KAT6A: variants seen among roughly 807,000 people sequenced by gnomAD.
KAT6A encodes lysine acetyltransferase 6A, also known as histone acetyltransferase KAT6A.
KAT6A carries 9 observed loss-of-function variants against 198.4 expected under a neutral mutation model. That is an observed-to-expected ratio of 0.05 (90% confidence interval 0.03 to 0.08). The LOEUF (loss-of-function observed/expected upper bound fraction) is 0.08, where lower values mean the gene tolerates loss of function less well. Ranked by LOEUF, KAT6A falls within the 10% of genes least tolerant of loss-of-function variation. The pLI is 1.00. For missense variants in KAT6A, 2,077 were observed against 2,509.9 expected (o/e 0.83, Z 3.69); for synonymous variants, 890 against 883.0 (o/e 1.01, Z -0.14).
intron 2 of KAT6A, among the ~76,000 whole-genome samples, chr8:42,036,257 T>C (rs906391430): frequency 1.3e-5 from 2 of 152,084 alleles, no homozygotes; most frequent in Non-Finnish European, 2.9e-5. Context: ...AGAGCTCAGA[T>C]TGGAGGCCAC....
intron 8 of KAT6A, 193 bp downstream of exon 8, chr8:41,974,511 T>C (rs900550188): frequency 2.4e-6 from 1 of 414,630 alleles, no homozygotes; most frequent in South Asian, 7.7e-5. Flanking sequence ...CATGTGCTTA[T>C]CTGCAAAACC....
chr8:41,966,554 T>C (rs1335429452), intron 8 of KAT6A, among the ~76,000 whole-genome samples: 1 of 152,134 alleles, frequency 6.6e-6, no homozygotes, highest in East Asian at 1.9e-4. Flanking sequence ...GTTTACTCCA[T>C]CTGATAAGCC....
intron 2 of KAT6A, among the ~76,000 whole-genome samples, chr8:41,989,281 G>A (rs1286538699): frequency 6.6e-6 from 1 of 152,134 alleles, no homozygotes; most frequent in African/African-American, 2.4e-5. Context: ...GGCCGAGGCG[G>A]GCGGATCACC....
chr8:41,999,949 T>C (rs1269951189), intron 2 of KAT6A, among the ~76,000 whole-genome samples: 2 of 152,256 alleles, frequency 1.3e-5, no homozygotes, highest in Non-Finnish European at 2.9e-5. Flanking sequence ...TAGTTTCTGC[T>C]ACACCTTTTT....
intron 8 of KAT6A, among the ~76,000 whole-genome samples, chr8:41,970,629 G>A (rs907039321): frequency 6.6e-6 from 1 of 151,966 alleles, no homozygotes; most frequent in Non-Finnish European, 1.5e-5. Flanking sequence ...TGGTGGGACT[G>A]CAAACTAGTT....
intron 8 of KAT6A, among the ~76,000 whole-genome samples, chr8:41,964,627 GAAAAAAAAAA>G (rs61710510): frequency 2.3e-5 from 3 of 130,922 alleles, no homozygotes; most frequent in South Asian, 4.7e-4. Context: ...TCCAAAATCT[GAAAAAAAAAA>G]AAAAAAAAAA....
At position 42,021,006 on chromosome 8, in the gene KAT6A, G is replaced by A. The variant is rs548287062; in HGVS notation, c.600+27372C>T. Among the ~76,000 whole-genome samples, 74 of 152,038 alleles carry A rather than the reference G, an allele frequency of 4.9e-4. 1 individual carries two copies. The highest frequency in any genetic ancestry group is 1.4e-3 in the African/African-American group (58 of 41,460). ...GGGTACTCTGCTTGTTGTTGTTGTTGTTGTTTTTTATGAGGAAGTTTGCTG... is the reference window on the plus strand; with the variant it reads ...GGGTACTCTGCTTGTTGTTGTTGTTATTGTTTTTTATGAGGAAGTTTGCTG... On this transcript the variant is annotated intron_variant, in intron 2 of 16. Coordinates refer to ENST00000265713, the MANE Select transcript of KAT6A (RefSeq NM_006766.5).
Position 41,950,647 on chromosome 8 carries a change from A to C in KAT6A, c.1599-1284T>G, listed in dbSNP as rs542758193. 1.4e-4 allele frequency among the ~76,000 whole-genome samples: 21 copies of C among 152,022 alleles called. No individual in the cohort carries two copies. The South Asian group carries it at 2.9e-3, about 21-fold the overall frequency. On this transcript the variant is annotated intron_variant, in intron 9 of 16. Transcript: ENST00000265713. ...AAACCTAAAAAATTTTGTGCTTTTT[A>C]AAGTATTTTTGTAAAAATGATAGAG...
At chr8:41,970,707 T>G (rs1823747753) in intron 8 of KAT6A, among the ~76,000 whole-genome samples, 1 of 152,184 alleles carries the variant, frequency 6.6e-6, no homozygotes, top group African/African-American at 2.4e-5. Flanking sequence ...TTTGACCCAG[T>G]CATCCCATTA....
chr8:41,942,783 A>G lies in KAT6A; in HGVS notation c.2436+10T>C. The G allele has an allele frequency of 3.1e-6, 5 of 1,613,678 alleles. No homozygotes were observed. The highest frequency in any genetic ancestry group is 4.2e-6 in the Non-Finnish European group (5 of 1,179,762). On this transcript the variant is annotated intron_variant, in intron 14 of 16. Transcript: ENST00000265713. ...CTGTCATCAAAAATAGAGACTATTCATGCCCTTACACTGATCTCTAATTCT... is the reference window on the plus strand; with the variant it reads ...CTGTCATCAAAAATAGAGACTATTCGTGCCCTTACACTGATCTCTAATTCT...
intron 10 of KAT6A, among the ~76,000 whole-genome samples, chr8:41,948,596 T>C (rs1016030069): frequency 2.0e-5 from 3 of 152,142 alleles, no homozygotes; most frequent in African/African-American, 7.2e-5. Context: ...CCCAAGACAC[T>C]GTCTGCGATA....
chr8:41,988,408 AT>A (rs1407763271), intron 2 of KAT6A, among the ~76,000 whole-genome samples: 1 of 152,242 alleles, frequency 6.6e-6, no homozygotes, highest in Non-Finnish European at 1.5e-5. Flanking sequence ...TTATATATCA[AT>A]TATACCTAAA....
rs750678051 is a variant in KAT6A, at chr8:41,932,191, C to G, written c.*14G>C. On this transcript the variant is annotated 3_prime_UTR_variant, in exon 17 of 17. Coordinates refer to ENST00000265713, the MANE Select transcript of KAT6A (RefSeq NM_006766.5). ...TTATATATATTTAAGTTTTTGATTG[C>G]AAGTTCATCTTGCTCATCTTCTCAT... 6.6e-7 allele frequency: 1 copy of G among 1,526,344 alleles called. No individual in the cohort carries two copies. The highest frequency in any genetic ancestry group is 1.4e-5 in the African/African-American group (1 of 72,156). 94.6% of individuals were successfully genotyped at this position (1,526,344 alleles called of 1,614,324 possible). A position where few individuals can be genotyped will look rare whatever the true frequency, so the allele number is the denominator to read the frequency against.
Position 41,941,297 on chromosome 8 carries a change from G to A in KAT6A, c.2584C>T (p.Pro862Ser), listed in dbSNP as rs748078873. ...PHDSLPANSQPSRRGRWGRKN... is the reference protein window; with the variant it reads ...PHDSLPANSQSSRRGRWGRKN... ...CTCCCCCAGCGGCCCCTCCGAGATGGCTGGCTATTTGCAGGAAGACTATCA... is the reference window on the plus strand; with the variant it reads ...CTCCCCCAGCGGCCCCTCCGAGATGACTGGCTATTTGCAGGAAGACTATCA... Residue 862 changes from proline (P) to serine (S), a missense_variant, in exon 15 of 17, where the codon CCA (proline) becomes TCA (serine). Transcript: ENST00000265713. 2 of 1,613,852 alleles carry A rather than the reference G, an allele frequency of 1.2e-6. No individual in the cohort carries two copies. The highest frequency in any genetic ancestry group is 1.3e-5 in the African/African-American group (1 of 74,868).
intron 2 of KAT6A, among the ~76,000 whole-genome samples, chr8:42,029,140 A>C (rs970452542): frequency 7.2e-5 from 11 of 152,102 alleles, no homozygotes; most frequent in Non-Finnish European, 1.3e-4. Context: ...CCTGGCCTAT[A>C]AGATTTCTGC....
chr8:41,932,748 T>C lies in KAT6A; in HGVS notation c.5472A>G (p.Thr1824=). Residue 1824 remains threonine (T), a synonymous_variant, in exon 17 of 17, where the codon ACA becomes ACG. Transcript: ENST00000265713. ...ACATGTTGCACTGAAGCAGAGGAGA[T>C]GTGAGGTTCATGGTAGTGGATGCCA... ...PNLASTTMNL[T]SPLLQCNMSA... 6.2e-7 allele frequency: 1 copy of C among 1,614,154 alleles called. No individual in the cohort carries two copies. Among genetic ancestry groups the C allele is most frequent in the Non-Finnish European group, 8.5e-7 (1 of 1,180,014 alleles).
In KAT6A at chr8:42,048,411, A is replaced by G; in HGVS notation, c.567T>C (p.Pro189=). Residue 189 remains proline (P), a synonymous_variant, in exon 2 of 17, where the codon CCT becomes CCC. Transcript: ENST00000265713. The part of the protein sequence containing the change: ...KESCESLSCL[P]PVSLLPHEKD... ...TTTCATGTGGAAGAAGGGACACTGG[A>G]GGTAAACAGGAAAGAGACTCACAAC... The G allele has an allele frequency of 6.2e-7, 1 of 1,614,122 alleles. No homozygotes were observed. Among genetic ancestry groups the G allele is most frequent in the Middle Eastern group, 1.6e-4 (1 of 6,062 alleles).
At chr8:41,987,666 G>C in intron 2 of KAT6A, 103 bp from the exon 3 acceptor site, 1 of 760,008 alleles carries the variant, frequency 1.3e-6, no homozygotes, top group Non-Finnish European at 2.2e-6. Flanking sequence ...AGTAAGTTTA[G>C]GACAATTGTA....
At position 41,933,454 on chromosome 8, in the gene KAT6A, T is replaced by C. The variant is rs781681813; in HGVS notation, c.4766A>G (p.Tyr1589Cys). 10 of 1,612,900 alleles carry C rather than the reference T, an allele frequency of 6.2e-6. No homozygotes were observed. Among genetic ancestry groups the C allele is most frequent in the Non-Finnish European group, 6.8e-6 (8 of 1,179,298 alleles). ...GNSSSQSSCS[Y>C]GGLSSSSSLT... ...GCTGCTGGAGGACGACAGCCCACCG[T>C]AGGAGCAGCTGCTCTGGGAAGAGCT... Residue 1589 changes from tyrosine to cysteine, a missense_variant, in exon 17 of 17, where the codon TAC becomes TGC. This residue lies in a region of KAT6A where 500 missense variants were observed against 577.2 expected (regional missense o/e 0.87). Coordinates refer to ENST00000265713, the MANE Select transcript of KAT6A (RefSeq NM_006766.5). This position sits in a 1 kb window ranked among gnomAD's most constrained non-coding sequence, Gnocchi z 6.2.
Sources: gnomAD v4.1 joint callset for allele counts (sites outside exome capture counted in the v4.1 genomes callset) on GRCh38, gnomAD v4.1.1 for gene constraint, gnomAD v4.1.1 regional missense constraint, Gnocchi (gnomAD v3.1) non-coding constraint, MANE v1.5 for transcripts, NCBI Gene and HGNC (gene_info 2026-07-23, HGNC 2026-07-21) for gene names.